The following GRB14 variants were observed in gnomAD, a reference collection of about 807,000 sequenced individuals.
GRB14 encodes the protein growth factor receptor-bound protein 14.
GRB14 carries 38 observed loss-of-function variants against 69.1 expected under a neutral mutation model. That is an observed-to-expected ratio of 0.55 (90% CI 0.42 to 0.72). GRB14 has a LOEUF of 0.72. Among genes scored for constraint, GRB14 ranks in the 30% least tolerant of loss-of-function variants. The probability of loss-of-function intolerance (pLI) is 0.00; values close to 1 mark genes in which losing one functional copy is unlikely to be tolerated. For synonymous variants in GRB14, 247 were observed against 241.3 expected (o/e 1.02, Z -0.22); for missense variants, 666 against 666.1 (o/e 1.00, Z 0.00).
At chr2:164,524,367 G>T (rs1687714538) in intron 5 of GRB14, among the ~76,000 whole-genome samples, 1 of 152,036 alleles carries the variant, frequency 6.6e-6, no homozygotes, top group African/African-American at 2.4e-5. Flanking sequence ...TTCATTTATT[G>T]TAATGACAAT....
rs533591953 is a variant in GRB14 at position 164,559,026 on chromosome 2, G to A, written c.325-11210C>T. On this transcript the variant is annotated intron_variant, in intron 2 of 13. Coordinates refer to ENST00000263915, the MANE Select transcript of GRB14 (RefSeq NM_004490.3). ...AACCTGGATGTAACTTACCCTTAATGGTATGTTATAGTTTTATTGGAAGTA... is the reference window on the plus strand; with the variant it reads ...AACCTGGATGTAACTTACCCTTAATAGTATGTTATAGTTTTATTGGAAGTA... 2.0e-5 allele frequency among the ~76,000 whole-genome samples: 3 copies of A among 152,030 alleles called. No individual in the cohort carries two copies. In the East Asian group the frequency reaches 5.8e-4, roughly 29 times the overall value.
intron 2 of GRB14, among the ~76,000 whole-genome samples, chr2:164,605,294 G>T (rs1241676406): frequency 6.6e-6 from 1 of 152,180 alleles, no homozygotes; most frequent in African/African-American, 2.4e-5. Flanking sequence ...TTATTTTCTA[G>T]TACAGGAAGA....
At chr2:164,592,409 C>T (rs554388845) in intron 2 of GRB14, among the ~76,000 whole-genome samples, 74 of 152,336 alleles carry the variant, frequency 4.9e-4, no homozygotes, top group Non-Finnish European at 9.4e-4. Flanking sequence ...GCTGGGATTA[C>T]AGGCGTGAGC....
At chr2:164,508,294 G>T (rs1003710993) in intron 8 of GRB14, among the ~76,000 whole-genome samples, 161 bp downstream of exon 8, 1 of 152,162 alleles carries the variant, frequency 6.6e-6, no homozygotes, top group East Asian at 1.9e-4. Flanking sequence ...CTCCGAAAAT[G>T]TTTATCATTT....
At chr2:164,586,273 G>A (rs1274922245) in intron 2 of GRB14, among the ~76,000 whole-genome samples, 1 of 152,178 alleles carries the variant, frequency 6.6e-6, no homozygotes, top group Non-Finnish European at 1.5e-5. Context: ...GGATATGATA[G>A]TAGAAAGTTG....
chr2:164,578,748 G>T (rs998362605), intron 2 of GRB14, among the ~76,000 whole-genome samples: 1 of 152,130 alleles, frequency 6.6e-6, no homozygotes, highest in Non-Finnish European at 1.5e-5. Flanking sequence ...CAGATGTTAC[G>T]GAAGGAAATT....
At chr2:164,607,350 G>A (rs1039829441) in intron 2 of GRB14, among the ~76,000 whole-genome samples, 1 of 152,140 alleles carries the variant, frequency 6.6e-6, no homozygotes, top group African/African-American at 2.4e-5. Context: ...AATTCTACAT[G>A]CTAGAGATTG....
At chr2:164,582,490 C>T (rs560569635) in intron 2 of GRB14, among the ~76,000 whole-genome samples, 4 of 150,984 alleles carry the variant, frequency 2.6e-5, no homozygotes, top group African/African-American at 4.9e-5. Context: ...AGTGCAATCT[C>T]GGCTCACTGC....
chr2:164,585,538 T>C (rs942844101), intron 2 of GRB14, among the ~76,000 whole-genome samples: 2 of 152,166 alleles, frequency 1.3e-5, no homozygotes, highest in Non-Finnish European at 1.5e-5. Flanking sequence ...TGGAAACCCA[T>C]ACTTGAAATT....
At position 164,616,571 on chromosome 2, in the gene GRB14, CTT is replaced by C. The variant is rs377335462; in HGVS notation, c.324+3114_324+3115del. 1.0e-3 allele frequency among the ~76,000 whole-genome samples: 153 copies of C among 152,136 alleles called. No homozygotes were observed. The South Asian group carries it at 0.029, about 29-fold the overall frequency. On this transcript the variant is annotated intron_variant, in intron 2 of 13. Coordinates refer to ENST00000263915, the MANE Select transcript of GRB14 (RefSeq NM_004490.3). ...GTGATAAAACATATCCCATTTGTGGCTTCAATGCACTTTACCACTCATGCATT... is the reference window on the plus strand; with the variant it reads ...GTGATAAAACATATCCCATTTGTGGCCAATGCACTTTACCACTCATGCATT...
intron 2 of GRB14, among the ~76,000 whole-genome samples, chr2:164,606,858 C>T (rs1690053634): frequency 6.6e-6 from 1 of 152,176 alleles, no homozygotes; most frequent in Admixed American, 6.5e-5. Flanking sequence ...GTGTTTCACA[C>T]GCATATGTCA....
chr2:164,576,770 C>A (rs1249201820), intron 2 of GRB14, among the ~76,000 whole-genome samples: 1 of 147,944 alleles, frequency 6.8e-6, no homozygotes, highest in East Asian at 2.0e-4. Flanking sequence ...TTAAATTAAA[C>A]CTAAGGAAAT....
intron 5 of GRB14, among the ~76,000 whole-genome samples, chr2:164,522,617 A>G (rs745888243): frequency 6.6e-5 from 10 of 152,114 alleles, no homozygotes; most frequent in African/African-American, 1.9e-4. Context: ...CCTGACTTCA[A>G]TTGTGAAGCA....
At chr2:164,598,194 T>C (rs146332251) in intron 2 of GRB14, among the ~76,000 whole-genome samples, 1 of 152,246 alleles carries the variant, frequency 6.6e-6, no homozygotes, top group African/African-American at 2.4e-5. Flanking sequence ...AAGGGAAGGG[T>C]TGGACTGATG....
At position 164,497,029 on chromosome 2, in the gene GRB14, A is replaced by C. The variant is rs374592598; in HGVS notation, c.1361T>G (p.Ile454Ser). The C allele has an allele frequency of 1.2e-6, 2 of 1,613,780 alleles. No homozygotes were observed. The highest frequency in any genetic ancestry group is 1.7e-6 in the Non-Finnish European group (2 of 1,179,834). Residue 454 changes from isoleucine (I) to serine (S), a missense_variant, in exon 12 of 14, where the codon ATT becomes AGT. Physicochemically the swap from Ile to Ser is moderately radical, Grantham distance 142. Transcript: ENST00000263915. ...ISRDEAQRLI[I>S]QQGLVDGVFL... is the part of the protein sequence containing the mutation. ...TTACCCATCCACAAGTCCTTGCTGA[A>C]TAATCAATCGCTGAGCCTCATCTCT...
intron 3 of GRB14, among the ~76,000 whole-genome samples, chr2:164,543,958 A>G (rs1383547777): frequency 6.6e-6 from 1 of 152,218 alleles, no homozygotes; most frequent in African/African-American, 2.4e-5. Context: ...TAAATCTAAT[A>G]CATGTTAGTT....
At chr2:164,533,030 T>C (rs909996161) in intron 3 of GRB14, among the ~76,000 whole-genome samples, 2 of 151,994 alleles carry the variant, frequency 1.3e-5, no homozygotes, top group African/African-American at 4.8e-5. Flanking sequence ...CCAGGTTGAA[T>C]GACAACCACA....
intron 2 of GRB14, among the ~76,000 whole-genome samples, chr2:164,591,220 A>G (rs999436352): frequency 6.6e-6 from 1 of 152,192 alleles, no homozygotes; most frequent in African/African-American, 2.4e-5. Context: ...AGCACACAGG[A>G]AGATTAGACT....
intron 2 of GRB14, among the ~76,000 whole-genome samples, chr2:164,569,158 C>A (rs1281095282): frequency 6.6e-6 from 1 of 152,052 alleles, no homozygotes; most frequent in Non-Finnish European, 1.5e-5. Flanking sequence ...ATATTTCATT[C>A]CATTAAAAGC....
Sources: gnomAD v4.1 joint callset for allele counts (sites outside exome capture counted in the v4.1 genomes callset) on GRCh38, gnomAD v4.1.1 for gene constraint, MANE v1.5 for transcripts, NCBI Gene and HGNC (gene_info 2026-07-23, HGNC 2026-07-21) for gene names.